Variants in PI4KA observed in about 807,000 individuals in gnomAD.
PI4KA encodes PI4-kinase alpha.
PI4KA carries 122 observed loss-of-function variants against 271.4 expected under a neutral mutation model. The ratio of observed to expected loss-of-function variants is 0.45; its 90% CI spans 0.39 to 0.52. PI4KA has a LOEUF of 0.52. Among genes scored for constraint, PI4KA ranks in the 20% least tolerant of loss-of-function variants. The pLI, the probability that PI4KA is intolerant of heterozygous loss-of-function variation, is 0.00. For missense variants in PI4KA, 1,969 were observed against 2,769.1 expected, an observed-to-expected ratio of 0.71 and a Z score of 6.48; for synonymous variants, 1,041 against 1,078.8, an observed-to-expected ratio of 0.96 and a Z score of 0.69.
chr22:20,724,659 A>G (rs544612935), intron 42 of PI4KA, among the ~76,000 whole-genome samples: 1 of 152,262 alleles, frequency 6.6e-6, no homozygotes, highest in South Asian at 2.1e-4. Flanking sequence ...AGCAAGAAAG[A>G]AACCAGTGAA....
chr22:20,756,159 G>A (rs1165684959), intron 23 of PI4KA, among the ~76,000 whole-genome samples: 3 of 151,986 alleles, frequency 2.0e-5, no homozygotes. Context: ...AAGAGGCTGG[G>A]TTGGGTGGGT....
At chr22:20,783,126 T>G (rs541575230) in intron 19 of PI4KA, among the ~76,000 whole-genome samples, 1 of 152,364 alleles carries the variant, frequency 6.6e-6, no homozygotes, top group East Asian at 1.9e-4. Flanking sequence ...AGTTCTCAAC[T>G]ACTAGTCACC....
intron 8 of PI4KA, among the ~76,000 whole-genome samples, 156 bp from the exon 9 acceptor site, chr22:20,811,188 T>C (rs1920981397): frequency 6.6e-6 from 1 of 152,256 alleles, no homozygotes; most frequent in African/African-American, 2.4e-5. Flanking sequence ...TCAAACTATA[T>C]GCACAAAATG....
rs776163950 is a variant in PI4KA at position 20,819,904 on chromosome 22, G to T, written c.530-4C>A. The T allele has an allele frequency of 6.2e-7, 1 of 1,611,976 alleles. No individual in the cohort carries two copies. ...ATAGCATACTTGCAAAGGTATTCTA[G>T]AAGATCAAGTGAAAACGTTACAATA... On this transcript the variant is annotated splice_polypyrimidine_tract_variant and splice_region_variant and intron_variant, in intron 5 of 54. Coordinates refer to ENST00000255882, the MANE Select transcript of PI4KA (RefSeq NM_058004.4).
chr22:20,722,034 C>G (rs1292771918), intron 42 of PI4KA: 1 of 152,686 alleles, frequency 6.5e-6, no homozygotes, highest in Non-Finnish European at 1.5e-5. Flanking sequence ...GTTCCTCCTA[C>G]ACACACACTT....
At chr22:20,747,349 T>C in intron 29 of PI4KA, 1 of 422,450 alleles carries the variant, frequency 2.4e-6, no homozygotes, top group Non-Finnish European at 4.3e-6. Flanking sequence ...CTGATCCCCA[T>C]AAATCCATAA....
chr22:20,828,089 C>T (rs538939671), intron 3 of PI4KA, among the ~76,000 whole-genome samples: 6 of 152,094 alleles, frequency 3.9e-5, no homozygotes, highest in African/African-American at 1.2e-4. Context: ...CCACTATGCC[C>T]GACTGGTATT....
intron 2 of PI4KA, among the ~76,000 whole-genome samples, chr22:20,837,000 T>C (rs1924948503): frequency 6.6e-6 from 1 of 152,226 alleles, no homozygotes; most frequent in Non-Finnish European, 1.5e-5. Context: ...TAAATTTTTT[T>C]AAAATTATTT....
intron 2 of PI4KA, among the ~76,000 whole-genome samples, chr22:20,837,748 C>G (rs1925037671): frequency 6.6e-6 from 1 of 152,028 alleles, no homozygotes; most frequent in Admixed American, 6.6e-5. Context: ...TATAAAAATA[C>G]ACATACACAA....
At chr22:20,788,319 C>T (rs2147529203) in intron 19 of PI4KA, among the ~76,000 whole-genome samples, 1 of 152,318 alleles carries the variant, frequency 6.6e-6, no homozygotes, top group Admixed American at 6.5e-5. Flanking sequence ...TCACAGGCTT[C>T]TGACCCCATG....
intron 8 of PI4KA, among the ~76,000 whole-genome samples, chr22:20,811,461 G>A (rs773924589): frequency 4.6e-5 from 7 of 152,116 alleles, no homozygotes; most frequent in African/African-American, 9.6e-5. Flanking sequence ...CTTCCTCTCC[G>A]GGCCAGGTGC....
At chr22:20,733,951 TCC>T (rs1928379125) in intron 34 of PI4KA, 90 bp downstream of exon 34, 1 of 1,525,248 alleles carries the variant, frequency 6.6e-7, no homozygotes, top group African/African-American at 1.4e-5. Flanking sequence ...TGAAATGTGT[TCC>T]CCGTCTACAG....
intron 3 of PI4KA, among the ~76,000 whole-genome samples, chr22:20,829,617 T>G (rs1407701471): frequency 6.6e-6 from 1 of 152,086 alleles, no homozygotes; most frequent in Non-Finnish European, 1.5e-5. Flanking sequence ...ACTCCTGGAT[T>G]TGTTGATCTT....
chr22:20,815,466 G>A (rs1377611899), intron 7 of PI4KA, among the ~76,000 whole-genome samples: 4 of 148,104 alleles, frequency 2.7e-5, no homozygotes, highest in Non-Finnish European at 6.0e-5. Context: ...ATTTTCATAA[G>A]ACAGTATCAA....
intron 9 of PI4KA, among the ~76,000 whole-genome samples, chr22:20,807,849 AT>A (rs1292114974): frequency 6.6e-6 from 1 of 152,308 alleles, no homozygotes; most frequent in South Asian, 2.1e-4. Context: ...AAGGATACAA[AT>A]TACAGCCAGG....
At chr22:20,765,717 G>GA in intron 19 of PI4KA, 24 bp from the exon 20 acceptor site, 1 of 1,496,856 alleles carries the variant, frequency 6.7e-7, no homozygotes, top group East Asian at 2.3e-5. Context: ...AAGAGAGGGA[G>GA]AAAGGAGGTT....
chr22:20,805,869 A>G (rs750181732), intron 10 of PI4KA, among the ~76,000 whole-genome samples: 45 of 151,790 alleles, frequency 3.0e-4, no homozygotes, highest in Non-Finnish European at 6.2e-4. Context: ...AGGTTGTCAG[A>G]TAAGGGCAAA....
At chr22:20,816,067 G>A (rs1921770320) in intron 7 of PI4KA, among the ~76,000 whole-genome samples, 1 of 151,994 alleles carries the variant, frequency 6.6e-6, no homozygotes, top group Non-Finnish European at 1.5e-5. Context: ...AGTCTCCTGA[G>A]TAGCTGGGAT....
At chr22:20,803,756 G>A (rs1358852168) in intron 12 of PI4KA, among the ~76,000 whole-genome samples, 2 of 152,068 alleles carry the variant, frequency 1.3e-5, no homozygotes. Flanking sequence ...GGGCTCAAGC[G>A]ATCCTCCCAC....
Sources: allele counts gnomAD v4.1 joint callset (sites outside exome capture counted in the v4.1 genomes callset), GRCh38; gene constraint gnomAD v4.1.1; transcripts MANE v1.5; gene names NCBI Gene and HGNC (gene_info 2026-07-23, HGNC 2026-07-21).